Variants in PSD3 observed in about 807,000 individuals in gnomAD.
PSD3 encodes pleckstrin and Sec7 domain containing 3.
Under a neutral mutation model 105.5 loss-of-function variants are expected in PSD3, and 49 were observed. The observed-to-expected ratio is 0.46, with a 90% confidence interval of 0.37 to 0.59. The LOEUF is 0.59. PSD3 is among the 20% of genes least tolerant of loss of function. The pLI is 0.00. For synonymous variants in PSD3, 557 were observed against 457.8 expected, an observed-to-expected ratio of 1.22 and a Z score of -2.77; for missense variants, 1,561 against 1,263.8, an observed-to-expected ratio of 1.24 and a Z score of -3.57.
chr8:18,666,593 A>G (rs1348203695), intron 9 of PSD3, among the ~76,000 whole-genome samples: 1 of 152,218 alleles, frequency 6.6e-6, no homozygotes, highest in African/African-American at 2.4e-5. Flanking sequence ...AATATCTCGT[A>G]ACAGATAAGT....
chr8:18,687,957 T>C (rs1800754058), intron 9 of PSD3, among the ~76,000 whole-genome samples: 1 of 152,066 alleles, frequency 6.6e-6, no homozygotes, highest in African/African-American at 2.4e-5. Flanking sequence ...TTAGTAAAGA[T>C]GGGGTTTCGC....
chr8:18,746,414 C>G (rs528103841), intron 9 of PSD3, among the ~76,000 whole-genome samples: 1 of 152,274 alleles, frequency 6.6e-6, no homozygotes, highest in South Asian at 2.1e-4. Flanking sequence ...TGTCCTCATT[C>G]TTCTTCAGTG....
intron 12 of PSD3, among the ~76,000 whole-genome samples, chr8:18,599,337 G>T (rs569908920): frequency 6.6e-6 from 1 of 152,252 alleles, no homozygotes; most frequent in East Asian, 1.9e-4. Context: ...AAACCATATG[G>T]AGTTTCTTCA....
chr8:18,554,024 G>C (rs1800927245), intron 15 of PSD3, among the ~76,000 whole-genome samples: 1 of 152,110 alleles, frequency 6.6e-6, no homozygotes, highest in African/African-American at 2.4e-5. Flanking sequence ...TTCATGTCAG[G>C]GATTGAAAAT....
intron 2 of PSD3, among the ~76,000 whole-genome samples, chr8:18,931,404 AT>A (rs763459006): frequency 6.6e-6 from 1 of 152,236 alleles, no homozygotes; most frequent in Non-Finnish European, 1.5e-5. Flanking sequence ...ATCCATTCAC[AT>A]CTAAGTCCAG....
chr8:18,735,285 C>A (rs151192973), intron 9 of PSD3, among the ~76,000 whole-genome samples: 1 of 151,932 alleles, frequency 6.6e-6, no homozygotes, highest in Non-Finnish European at 1.5e-5. Flanking sequence ...TGCCCAAAAA[C>A]AAGAGATGAA....
intron 12 of PSD3, among the ~76,000 whole-genome samples, chr8:18,581,059 G>C (rs947289538): frequency 2.0e-5 from 3 of 152,134 alleles, no homozygotes; most frequent in African/African-American, 7.2e-5. Flanking sequence ...GAAACTGAGA[G>C]AGAAACTCTG....
intron 1 of PSD3, among the ~76,000 whole-genome samples, chr8:19,061,562 C>T (rs1828896292): frequency 6.6e-6 from 1 of 151,964 alleles, no homozygotes; most frequent in Non-Finnish European, 1.5e-5. Flanking sequence ...AATCCCAGCA[C>T]TTTGGGAGGC....
intron 12 of PSD3, among the ~76,000 whole-genome samples, chr8:18,597,033 A>G (rs1804155647): frequency 6.6e-6 from 1 of 152,204 alleles, no homozygotes; most frequent in African/African-American, 2.4e-5. Flanking sequence ...CTACTTGCCA[A>G]CATCCATTAT....
At chr8:18,659,475 C>T (rs549369272) in intron 9 of PSD3, among the ~76,000 whole-genome samples, 4 of 152,318 alleles carry the variant, frequency 2.6e-5, no homozygotes, top group Admixed American at 2.0e-4. Context: ...CTTCTCTCCA[C>T]ATTCCATAAC....
chr8:18,677,738 A>C (rs138420321), intron 9 of PSD3, among the ~76,000 whole-genome samples: 1 of 152,202 alleles, frequency 6.6e-6, no homozygotes, highest in South Asian at 2.1e-4. Context: ...TTGACTGGGC[A>C]CGGTGGCTTA....
intron 10 of PSD3, among the ~76,000 whole-genome samples, chr8:18,654,477 T>C (rs931975558): frequency 3.3e-5 from 5 of 152,214 alleles, no homozygotes; most frequent in Admixed American, 6.5e-5. Flanking sequence ...CATTTTGACC[T>C]AATTTCCTGG....
At chr8:18,717,462 A>G (rs1802673340) in intron 9 of PSD3, among the ~76,000 whole-genome samples, 1 of 152,102 alleles carries the variant, frequency 6.6e-6, no homozygotes, top group African/African-American at 2.4e-5. Context: ...GAATGTTCTA[A>G]TTTGCTTTTC....
intron 8 of PSD3, among the ~76,000 whole-genome samples, chr8:18,780,156 C>T (rs1337880997): frequency 6.6e-6 from 1 of 152,144 alleles, no homozygotes. Flanking sequence ...CTGAAATGGT[C>T]CCTCTACCAT....
Position 18,804,730 on chromosome 8 carries a change from T to C in PSD3, c.1803A>G (p.Ser601=). 1.9e-6 allele frequency: 3 copies of C among 1,614,088 alleles called. No individual in the cohort carries two copies. Among genetic ancestry groups the C allele is most frequent in the South Asian group, 2.2e-5 (2 of 91,040 alleles). The change falls in exon 5 of 16, where the codon TCA becomes TCG. Residue 601 remains serine, a synonymous_variant. Transcript: ENST00000327040. ...TCTTGCCAAGGTGTTTTGCAACATC[T>C]GATCTTTTGAATCTGTCCAGCTGAT... The part of the protein sequence containing the change: ...RLYQLDRFKR[S]DVAKHLGKNN...
At chr8:18,594,887 G>C (rs577325096) in intron 12 of PSD3, among the ~76,000 whole-genome samples, 10 of 152,022 alleles carry the variant, frequency 6.6e-5, no homozygotes, top group Middle Eastern at 3.4e-3. Flanking sequence ...AAACTTTGTG[G>C]AACTTTTTTT....
At chr8:18,692,124 T>C (rs903631429) in intron 9 of PSD3, among the ~76,000 whole-genome samples, 1 of 152,204 alleles carries the variant, frequency 6.6e-6, no homozygotes, top group Non-Finnish European at 1.5e-5. Flanking sequence ...GTAAGCTCTA[T>C]AGTGCAAAAG....
chr8:18,793,491 T>A (rs564886135), intron 8 of PSD3, among the ~76,000 whole-genome samples: 1 of 151,644 alleles, frequency 6.6e-6, no homozygotes, highest in Admixed American at 6.6e-5. Context: ...ACCTTAAAGT[T>A]AGAAATCAAA....
intron 14 of PSD3, among the ~76,000 whole-genome samples, chr8:18,566,402 T>C (rs1801751323): frequency 6.6e-6 from 1 of 151,668 alleles, no homozygotes; most frequent in South Asian, 2.1e-4. Flanking sequence ...GGCGGGCGCC[T>C]GTAATCCCAG....
Sources: allele counts gnomAD v4.1 joint callset (sites outside exome capture counted in the v4.1 genomes callset), GRCh38; gene constraint gnomAD v4.1.1; transcripts MANE v1.5; gene names NCBI Gene and HGNC (gene_info 2026-07-23, HGNC 2026-07-21).